The following CAMTA1 variants were observed in gnomAD, a reference collection of about 807,000 sequenced individuals.
CAMTA1 encodes calmodulin-binding transcription activator 1.
In CAMTA1, 27 loss-of-function variants were observed where a neutral mutation model predicts 170.9. That is an observed-to-expected ratio of 0.16 (90% confidence interval 0.12 to 0.22). CAMTA1 has a LOEUF of 0.22. CAMTA1 is among the 10% of genes least tolerant of loss of function. The probability of loss-of-function intolerance (pLI) is 1.00; values close to 1 mark genes in which losing one functional copy is unlikely to be tolerated. For missense variants in CAMTA1, 1,619 were observed against 2,217.2 expected (o/e 0.73, Z 5.42); for synonymous variants, 833 against 891.5 (o/e 0.93, Z 1.17).
chr1:7,497,814 G>C (rs1464935154), intron 6 of CAMTA1, among the ~76,000 whole-genome samples: 3 of 152,206 alleles, frequency 2.0e-5, no homozygotes, highest in Admixed American at 2.0e-4. Context: ...AGACACCTGG[G>C]AGGCCATTTT....
chr1:6,986,519 G>C (rs1005986140), intron 3 of CAMTA1, among the ~76,000 whole-genome samples: 1 of 152,108 alleles, frequency 6.6e-6, no homozygotes. Flanking sequence ...GCCAGTGCCC[G>C]CCCTGGAGGG....
At chr1:7,259,584 C>T (rs1192434582) in intron 5 of CAMTA1, among the ~76,000 whole-genome samples, 3 of 152,186 alleles carry the variant, frequency 2.0e-5, no homozygotes, top group Non-Finnish European at 4.4e-5. Context: ...TGCCCCCAGG[C>T]AAGTGGTTAT....
rs1455259507 is a variant in CAMTA1 at position 6,907,080 on chromosome 1, T to C, written c.234+81870T>C. On this transcript the variant is annotated intron_variant, in intron 3 of 22. Coordinates refer to ENST00000303635, the MANE Select transcript of CAMTA1 (RefSeq NM_015215.4). ...GGATAGGCAGGCATCATTTAAGATC[T>C]CAGTATTTAAATATATGTGATTTGT... Among the ~76,000 whole-genome samples the C allele has an allele frequency of 2.0e-5, 3 of 152,218 alleles. No individual in the cohort carries two copies. In the East Asian group the frequency reaches 5.8e-4, roughly 29 times the overall value.
At chr1:6,799,925 C>G (rs919844899) in intron 1 of CAMTA1, among the ~76,000 whole-genome samples, 1 of 152,070 alleles carries the variant, frequency 6.6e-6, no homozygotes, top group Admixed American at 6.6e-5. Flanking sequence ...GGCTTGCTTT[C>G]CTGATATTCA....
chr1:7,436,824 G>A (rs992581650), intron 5 of CAMTA1, among the ~76,000 whole-genome samples: 4 of 152,054 alleles, frequency 2.6e-5, no homozygotes, highest in Non-Finnish European at 4.4e-5. Flanking sequence ...GAGGTAGAAT[G>A]CAGGCTGTGG....
At chr1:7,716,095 T>C (rs1451288012) in intron 11 of CAMTA1, among the ~76,000 whole-genome samples, 1 of 152,162 alleles carries the variant, frequency 6.6e-6, no homozygotes, top group African/African-American at 2.4e-5. Flanking sequence ...TGCAGCAGCA[T>C]GATTGAAGCT....
chr1:7,166,802 G>T (rs1648544580), intron 4 of CAMTA1, among the ~76,000 whole-genome samples: 1 of 148,578 alleles, frequency 6.7e-6, no homozygotes, highest in Admixed American at 6.7e-5. Context: ...TCTTAGTTTT[G>T]ATGCAGTTTT....
chr1:7,103,888 C>T (rs1297520907), intron 4 of CAMTA1, among the ~76,000 whole-genome samples: 1 of 146,724 alleles, frequency 6.8e-6, no homozygotes, highest in Non-Finnish European at 1.5e-5. Flanking sequence ...CACACATGTA[C>T]ACACAACACA....
intron 2 of CAMTA1, among the ~76,000 whole-genome samples, chr1:6,821,873 C>A (rs968292154): frequency 1.3e-5 from 2 of 151,952 alleles, no homozygotes; most frequent in African/African-American, 4.8e-5. Context: ...CATTTTTTTG[C>A]ATATTGGAAA....
chr1:7,759,572 CT>C (rs1264611428), intron 22 of CAMTA1, among the ~76,000 whole-genome samples: 3 of 152,050 alleles, frequency 2.0e-5, no homozygotes, highest in African/African-American at 7.2e-5. Context: ...TAGGAGAGAA[CT>C]TTTGTTCTAC....
At chr1:7,340,862 G>T (rs187593069) in intron 5 of CAMTA1, among the ~76,000 whole-genome samples, 12 of 152,248 alleles carry the variant, frequency 7.9e-5, no homozygotes, top group Non-Finnish European at 1.3e-4. Context: ...ACAGGACACA[G>T]TTTCTGTTCT....
intron 6 of CAMTA1, among the ~76,000 whole-genome samples, chr1:7,526,368 C>T (rs191101220): frequency 1.2e-3 from 178 of 152,172 alleles, no homozygotes; most frequent in African/African-American, 3.5e-3. Flanking sequence ...TTCCTAAGCC[C>T]GTGGCTACTG....
At chr1:7,662,817 G>A (rs951192572) in intron 8 of CAMTA1, among the ~76,000 whole-genome samples, 6 of 152,130 alleles carry the variant, frequency 3.9e-5, no homozygotes, top group African/African-American at 7.2e-5. Context: ...AGCTGGTCCC[G>A]AGACTGCATT....
At chr1:7,549,182 T>G (rs12750026) in intron 6 of CAMTA1, among the ~76,000 whole-genome samples, 22,941 of 105,332 alleles carry the variant, frequency 0.22, 2,211 homozygotes, top group South Asian at 0.3. Context: ...GCACCCCTTA[T>G]GGGTGGAGGT....
At position 7,411,614 on chromosome 1, in the gene CAMTA1, G is replaced by A. The variant is rs543946471; in HGVS notation, c.439-56216G>A. On this transcript the variant is annotated intron_variant, in intron 5 of 22. Coordinates refer to ENST00000303635, the MANE Select transcript of CAMTA1 (RefSeq NM_015215.4). ...TTTTTAAGCCATGATTCAGAAGACC[G>A]AGGACACCCTTGCTGGCAGCTGATC... Among the ~76,000 whole-genome samples the A allele has an allele frequency of 9.3e-5, 14 of 150,580 alleles. No individual in the cohort carries two copies. In the East Asian group the frequency reaches 2.5e-3, roughly 27 times the overall value.
At chr1:6,788,009 G>A (rs1236686100) in intron 1 of CAMTA1, among the ~76,000 whole-genome samples, 2 of 152,114 alleles carry the variant, frequency 1.3e-5, no homozygotes, top group Non-Finnish European at 2.9e-5. Flanking sequence ...ATAATTGAGA[G>A]AGGTTGTGAA....
chr1:6,826,349 T>C (rs959360647), intron 3 of CAMTA1, among the ~76,000 whole-genome samples: 3 of 152,240 alleles, frequency 2.0e-5, no homozygotes, highest in Non-Finnish European at 4.4e-5. Flanking sequence ...TCAGACAGAA[T>C]GTTTTTGCTT....
intron 3 of CAMTA1, among the ~76,000 whole-genome samples, chr1:6,902,072 C>CAAA (rs1553180442): frequency 3.2e-4 from 28 of 88,486 alleles, no homozygotes; most frequent in South Asian, 4.2e-4. Flanking sequence ...CACACACACA[C>CAAA]AAAAAAAAAA....
intron 4 of CAMTA1, among the ~76,000 whole-genome samples, chr1:7,205,317 G>C (rs1245641561): frequency 6.6e-6 from 1 of 151,798 alleles, no homozygotes; most frequent in East Asian, 1.9e-4. Context: ...TGGTCAGGCT[G>C]ATCTTGAACT....
Sources: gnomAD v4.1 joint callset for allele counts (sites outside exome capture counted in the v4.1 genomes callset) on GRCh38, gnomAD v4.1.1 for gene constraint, MANE v1.5 for transcripts, NCBI Gene and HGNC (gene_info 2026-07-23, HGNC 2026-07-21) for gene names.